VANGL1: variants seen among roughly 807,000 people sequenced by gnomAD.
The protein encoded by VANGL1 is VANGL planar cell polarity protein 1.
Under a neutral mutation model 48.4 loss-of-function variants are expected in VANGL1, and 18 were observed. The ratio of observed to expected loss-of-function variants is 0.37; its 90% CI spans 0.26 to 0.55. The LOEUF (loss-of-function observed/expected upper bound fraction) is 0.55. Among genes scored for constraint, VANGL1 ranks in the 20% least tolerant of loss-of-function variants. VANGL1 has a pLI of 0.81. For synonymous variants in VANGL1, 257 were observed against 261.8 expected (o/e 0.98, Z 0.18); for missense variants, 667 against 675.8 (o/e 0.99, Z 0.14).
intron 4 of VANGL1, among the ~76,000 whole-genome samples, chr1:115,664,771 G>C (rs1652709579): frequency 6.6e-6 from 1 of 152,128 alleles, no homozygotes. Flanking sequence ...TCAAGTGCAG[G>C]TTAGAGACTC....
chr1:115,652,182 T>A (rs889126930), intron 2 of VANGL1, among the ~76,000 whole-genome samples: 9 of 152,226 alleles, frequency 5.9e-5, no homozygotes, highest in Middle Eastern at 3.2e-3. Context: ...CCTGGCACCT[T>A]ATTCTTTTTG....
At chr1:115,659,902 C>A in intron 3 of VANGL1, 129 bp downstream of exon 3, 3 of 1,297,938 alleles carry the variant, frequency 2.3e-6, no homozygotes, top group Non-Finnish European at 3.3e-6. Context: ...TATCTATGTC[C>A]CATGGTCTCT....
chr1:115,663,080 C>A (rs916593861), intron 3 of VANGL1, among the ~76,000 whole-genome samples: 1 of 152,128 alleles, frequency 6.6e-6, no homozygotes, highest in East Asian at 1.9e-4. Context: ...CCACCGCGCC[C>A]CAGTCCATAA....
intron 1 of VANGL1, among the ~76,000 whole-genome samples, chr1:115,646,275 G>T (rs1012965695): frequency 6.6e-6 from 1 of 152,214 alleles, no homozygotes; most frequent in East Asian, 1.9e-4. Context: ...GACCTTGCCT[G>T]CATGCAATGT....
intron 2 of VANGL1, among the ~76,000 whole-genome samples, chr1:115,651,755 G>A (rs1440642719): frequency 6.6e-6 from 1 of 151,492 alleles, no homozygotes; most frequent in Non-Finnish European, 1.5e-5. Flanking sequence ...TCATTTCTAG[G>A]TATTTCTTTT....
intron 4 of VANGL1, among the ~76,000 whole-genome samples, chr1:115,674,540 G>T (rs1653094942): frequency 6.6e-6 from 1 of 152,208 alleles, no homozygotes; most frequent in Admixed American, 6.5e-5. Flanking sequence ...TTTACTCTAT[G>T]ATGAGAAAAC....
chr1:115,684,396 T>A (rs2101030341), intron 6 of VANGL1, among the ~76,000 whole-genome samples: 1 of 152,264 alleles, frequency 6.6e-6, no homozygotes, highest in Non-Finnish European at 1.5e-5. Context: ...TGTCTCAGCC[T>A]CCCAAAGTAC....
intron 1 of VANGL1, among the ~76,000 whole-genome samples, chr1:115,650,919 C>T (rs749152322): frequency 2.0e-5 from 3 of 151,224 alleles, no homozygotes; most frequent in African/African-American, 7.3e-5. Context: ...TTTTTTTAAC[C>T]AGCAAACTGG....
chr1:115,678,902 C>T (rs951115420), intron 4 of VANGL1, among the ~76,000 whole-genome samples: 18 of 148,860 alleles, frequency 1.2e-4, no homozygotes, highest in Admixed American at 9.5e-4. Context: ...TGCAGTGAGC[C>T]GAGATTGCGC....
intron 5 of VANGL1, among the ~76,000 whole-genome samples, 153 bp from the exon 6 acceptor site, chr1:115,683,785 GGGCACA>G (rs1653482327): frequency 6.6e-6 from 1 of 152,162 alleles, no homozygotes; most frequent in African/African-American, 2.4e-5. Context: ...TGTGGAGCCG[GGGCACA>G]GTTCACCCTC....
At chr1:115,665,496 G>T (rs1012190094) in intron 4 of VANGL1, among the ~76,000 whole-genome samples, 2 of 152,236 alleles carry the variant, frequency 1.3e-5, no homozygotes, top group Non-Finnish European at 2.9e-5. Context: ...CATAGATTTG[G>T]CTGGGCTCCA....
At chr1:115,664,297 G>C in intron 4 of VANGL1, 29 bp downstream of exon 4, 1 of 1,610,122 alleles carries the variant, frequency 6.2e-7, no homozygotes, top group Non-Finnish European at 8.5e-7. Context: ...GAGGCAGAAA[G>C]GATGGCTGAT....
At chr1:115,651,523 G>C (rs1255679950) in intron 2 of VANGL1, 39 bp downstream of exon 2, 1 of 1,588,526 alleles carries the variant, frequency 6.3e-7, no homozygotes, top group Non-Finnish European at 8.6e-7. Flanking sequence ...TCCTTTTGGG[G>C]AAACCTACAG....
chr1:115,667,567 G>T (rs1163549608), intron 4 of VANGL1, among the ~76,000 whole-genome samples: 2 of 152,166 alleles, frequency 1.3e-5, no homozygotes, highest in South Asian at 2.1e-4. Flanking sequence ...AACCCCCAGG[G>T]TAAGGGACCT....
Position 115,684,072 on chromosome 1 carries a change from G to A in VANGL1, c.1075G>A (p.Ala359Thr), listed in dbSNP as rs942169341. 5 of 1,613,408 alleles carry A rather than the reference G, an allele frequency of 3.1e-6. No homozygotes were observed. The highest frequency in any genetic ancestry group is 3.3e-5 in the Admixed American group (2 of 59,990). ...EHERRVKKRK[A>T]RLVVAVEEAF... ...TGAACGGCGAGTAAAGAAGCGGAAA[G>A]CAAGGTATACTGCCCTCCTGATGCC... Residue 359 changes from alanine (A) to threonine (T), a missense_variant, in exon 6 of 8, where the codon GCA becomes ACA. Transcript: ENST00000355485.
chr1:115,680,028 A>T (rs111821303), intron 4 of VANGL1, among the ~76,000 whole-genome samples: 6,704 of 131,094 alleles, frequency 0.051, 173 homozygotes, highest in East Asian at 0.09. Flanking sequence ...TGTGTATGTG[A>T]GAGAGAGAGA....
intron 3 of VANGL1, among the ~76,000 whole-genome samples, chr1:115,662,222 G>T (rs1160627355): frequency 1.3e-5 from 2 of 151,974 alleles, no homozygotes; most frequent in Non-Finnish European, 2.9e-5. Flanking sequence ...ATAAATCATG[G>T]TTTTTTTGGT....
Position 115,663,663 on chromosome 1 carries a change from TGAC to T in VANGL1, c.208_210del (p.Asp70del). ...CCTCACTGTCTTCTCCCCACCAGGA[TGAC>T]AACTGGGGAGAGACCACCACGGCCA... On this transcript the variant is annotated inframe_deletion, in exon 4 of 8. Coordinates refer to ENST00000355485, the MANE Select transcript of VANGL1 (RefSeq NM_138959.3). 1.9e-6 allele frequency: 3 copies of T among 1,614,162 alleles called. No homozygotes were observed. Among genetic ancestry groups the T allele is most frequent in the Non-Finnish European group, 2.5e-6 (3 of 1,180,034 alleles).
At chr1:115,685,817 ACT>A (rs1180612695) in intron 7 of VANGL1, among the ~76,000 whole-genome samples, 12 of 151,978 alleles carry the variant, frequency 7.9e-5, no homozygotes, top group African/African-American at 2.9e-4. Flanking sequence ...TGCATTGTGG[ACT>A]CTGGAGCTGA....
Sources: gnomAD v4.1 joint callset for allele counts (sites outside exome capture counted in the v4.1 genomes callset) on GRCh38, gnomAD v4.1.1 for gene constraint, MANE v1.5 for transcripts, NCBI Gene and HGNC (gene_info 2026-07-23, HGNC 2026-07-21) for gene names.